MID1: variants seen among roughly 807,000 people sequenced by gnomAD.
MID1 encodes midline 1.
Under a neutral mutation model 40.4 loss-of-function variants are expected in MID1, and 7 were observed. The observed-to-expected ratio is 0.17, with a 90% confidence interval of 0.10 to 0.33. The LOEUF is 0.33. MID1 is among the 10% of genes least tolerant of loss of function. The pLI is 1.00. For synonymous variants in MID1, 229 were observed against 221.2 expected, an observed-to-expected ratio of 1.04 and a Z score of -0.31; for missense variants, 367 against 558.5, an observed-to-expected ratio of 0.66 and a Z score of 3.46.
At chrX:10,643,698 A>G (rs1936229284) in intron 1 of MID1, among the ~76,000 whole-genome samples, 1 of 111,385 alleles carries the variant, frequency 9.0e-6, no homozygotes, top group Non-Finnish European at 1.9e-5. Context: ...ATAAAGACAC[A>G]TGCACATGTA....
At chrX:10,577,416 A>G (rs1334015319) in intron 1 of MID1, among the ~76,000 whole-genome samples, 1 of 111,528 alleles carries the variant, frequency 9.0e-6, no homozygotes, top group Non-Finnish European at 1.9e-5. Flanking sequence ...TTGTGCCTTT[A>G]TCTTCTGAAT....
At chrX:10,624,298 C>A (rs1333162900), upstream of MID1, among the ~76,000 whole-genome samples, 12 of 111,735 alleles carry the variant, frequency 1.1e-4, no homozygotes, top group Non-Finnish European at 2.1e-4. Context: ...ATCGCTATTG[C>A]TTGTTGTGTA....
intron 1 of MID1, among the ~76,000 whole-genome samples, chrX:10,711,780 A>C (rs976623946): frequency 1.8e-5 from 2 of 112,444 alleles, no homozygotes; most frequent in African/African-American, 6.5e-5. Context: ...GTATCTTCTA[A>C]TGCTTTTCTA....
intron 1 of MID1, among the ~76,000 whole-genome samples, chrX:10,576,281 C>T (rs1934869748): frequency 9.0e-6 from 1 of 111,535 alleles, no homozygotes; most frequent in Non-Finnish European, 1.9e-5. Flanking sequence ...CATGCTCATT[C>T]TTAGTAACTG....
chrX:10,489,886 G>A (rs1434511052), intron 4 of MID1, among the ~76,000 whole-genome samples: 6 of 110,053 alleles, frequency 5.5e-5, no homozygotes, highest in African/African-American at 1.7e-4. Flanking sequence ...TAGTAGAGAC[G>A]GGGTTTCACC....
chrX:10,594,106 A>G (rs890600357), intron 1 of MID1, among the ~76,000 whole-genome samples: 5 of 111,393 alleles, frequency 4.5e-5, no homozygotes, highest in Non-Finnish European at 7.5e-5. Context: ...GTTACACACT[A>G]AAAATAGGAC....
At chrX:10,469,867 T>C (rs759092501) in intron 6 of MID1, 27 bp from the exon 7 acceptor site, 2 of 1,190,053 alleles carry the variant, frequency 1.7e-6, no homozygotes, top group Non-Finnish European at 2.3e-6. Flanking sequence ...TGCTTATCAG[T>C]GGAAAAGCAC....
intron 1 of MID1, among the ~76,000 whole-genome samples, chrX:10,733,024 C>T (rs1053252680): frequency 5.4e-5 from 6 of 110,361 alleles, no homozygotes; most frequent in Non-Finnish European, 9.5e-5. Flanking sequence ...CCACTGCGCC[C>T]GGCTATTTTT....
At chrX:10,752,595 G>A (rs776032596) in intron 1 of MID1, among the ~76,000 whole-genome samples, 1 of 111,461 alleles carries the variant, frequency 9.0e-6, no homozygotes, top group East Asian at 2.8e-4. Context: ...TCCTGCAAGA[G>A]CCCATGGAAG....
rs141611596 is a variant in MID1, at chrX:10,531,720, G to C, written c.661-8533C>G. ...CTAGAAGAGCTTTTATTTTAATGGA[G>C]ATAAATAGGTATCTTAGTATAGTTC... is the stretch of plus-strand genomic sequence containing the variant. On this transcript the variant is annotated intron_variant, in intron 2 of 9. Coordinates refer to ENST00000317552, the MANE Select transcript of MID1 (RefSeq NM_000381.4). Among the ~76,000 whole-genome samples the C allele has an allele frequency of 3.4e-3, 380 of 112,155 alleles. 1 individual carries two copies. Among genetic ancestry groups the C allele is most frequent in the African/African-American group, 0.011 (342 of 30,926 alleles).
chrX:10,664,114 A>G (rs931799375), intron 1 of MID1, among the ~76,000 whole-genome samples: 8 of 109,161 alleles, frequency 7.3e-5, no homozygotes, highest in African/African-American at 2.7e-4. Flanking sequence ...TGGAGTTAAA[A>G]GAGGGTTTTT....
intron 1 of MID1, among the ~76,000 whole-genome samples, chrX:10,596,738 T>C (rs955953584): frequency 1.8e-5 from 2 of 111,985 alleles, no homozygotes; most frequent in African/African-American, 6.5e-5. Flanking sequence ...GCTTAAGGAC[T>C]CACCACAGTT....
At chrX:10,467,904 A>T (rs1929471474) in intron 7 of MID1, among the ~76,000 whole-genome samples, 1 of 110,582 alleles carries the variant, frequency 9.0e-6, no homozygotes, top group Admixed American at 9.7e-5. Context: ...ATTAGGCAAG[A>T]CCTCCCACTA....
chrX:10,600,187 G>A (rs1157743848), intron 1 of MID1, among the ~76,000 whole-genome samples: 2 of 110,518 alleles, frequency 1.8e-5, no homozygotes, highest in Non-Finnish European at 3.8e-5. Context: ...ATTTAGCTGG[G>A]CACAGTGGCA....
intron 2 of MID1, among the ~76,000 whole-genome samples, chrX:10,542,062 G>A (rs923815556): frequency 8.0e-5 from 9 of 112,195 alleles, no homozygotes; most frequent in Non-Finnish European, 1.1e-4. Context: ...ATTTAAAATG[G>A]TTAACAAACC....
At chrX:10,647,751 G>A (rs764920281) in intron 1 of MID1, among the ~76,000 whole-genome samples, 1 of 111,215 alleles carries the variant, frequency 9.0e-6, no homozygotes, top group South Asian at 3.8e-4. Context: ...TGCAGTCATC[G>A]CCATTCAAGT....
intron 3 of MID1, among the ~76,000 whole-genome samples, chrX:10,517,309 C>T (rs1932499810): frequency 9.0e-6 from 1 of 111,553 alleles, no homozygotes; most frequent in Admixed American, 9.5e-5. Flanking sequence ...CATCTAGGAA[C>T]CAAGGATGTG....
chrX:10,662,539 G>A (rs1477187087), intron 1 of MID1, among the ~76,000 whole-genome samples: 5 of 111,516 alleles, frequency 4.5e-5, no homozygotes, highest in Non-Finnish European at 9.4e-5. Context: ...ATATCGGTGT[G>A]TAGGGAGGAT....
intron 1 of MID1, among the ~76,000 whole-genome samples, chrX:10,814,711 C>G (rs983591575): frequency 1.8e-5 from 2 of 110,994 alleles, no homozygotes; most frequent in African/African-American, 3.3e-5. Flanking sequence ...TCCTGCCCCC[C>G]TATCCTTAGC....
Sources: allele counts gnomAD v4.1 joint callset (sites outside exome capture counted in the v4.1 genomes callset), GRCh38; gene constraint gnomAD v4.1.1; transcripts MANE v1.5; gene names NCBI Gene and HGNC (gene_info 2026-07-23, HGNC 2026-07-21).